The following MAGI2 variants were observed in gnomAD, a reference collection of about 807,000 sequenced individuals.
MAGI2 encodes the protein membrane-associated guanylate kinase, WW and PDZ domain-containing protein 2.
Under a neutral mutation model 133.3 loss-of-function variants are expected in MAGI2, and 35 were observed. The ratio of observed to expected loss-of-function variants is 0.26; its 90% confidence interval spans 0.20 to 0.35. The LOEUF (loss-of-function observed/expected upper bound fraction) is 0.35. Among genes scored for constraint, MAGI2 ranks in the 10% least tolerant of loss-of-function variants. The pLI is 1.00. For missense variants in MAGI2, 1,636 were observed against 1,863.4 expected, an observed-to-expected ratio of 0.88 and a Z score of 2.25; for synonymous variants, 729 against 710.6, an observed-to-expected ratio of 1.03 and a Z score of -0.41.
intron 1 of MAGI2, among the ~76,000 whole-genome samples, chr7:79,140,790 A>T (rs1024985340): frequency 6.6e-6 from 1 of 152,158 alleles, no homozygotes. Flanking sequence ...CTAGTGCCTA[A>T]AGTTCAAAGA....
At chr7:78,989,608 T>G (rs2116304943) in intron 2 of MAGI2, among the ~76,000 whole-genome samples, 1 of 152,232 alleles carries the variant, frequency 6.6e-6, no homozygotes, top group African/African-American at 2.4e-5. Flanking sequence ...TCTTGTATTC[T>G]TAGCAGCCAG....
intron 10 of MAGI2, among the ~76,000 whole-genome samples, chr7:78,215,781 T>G (rs6959540): frequency 0.69 from 105,060 of 152,026 alleles, 36,569 homozygotes; most frequent in Admixed American, 0.74. Flanking sequence ...CTAATTTTTA[T>G]TAATGAGTTG....
chr7:79,274,444 C>T (rs191795796), intron 1 of MAGI2, among the ~76,000 whole-genome samples: 75 of 152,026 alleles, frequency 4.9e-4, no homozygotes, highest in African/African-American at 1.6e-3. Flanking sequence ...GAACAACATC[C>T]GCTTCCCCAC....
chr7:78,660,402 A>AACTG (rs10687591), intron 2 of MAGI2, among the ~76,000 whole-genome samples: 76,076 of 151,632 alleles, frequency 0.5, 19,118 homozygotes, highest in Admixed American at 0.54. Context: ...AACTTACTTG[A>AACTG]ACTATTTTAT....
In MAGI2 at chr7:78,739,482, GAGA is replaced by G. The variant is rs565599967; in HGVS notation, c.419-112246_419-112244del. On this transcript the variant is annotated intron_variant, in intron 2 of 21. Transcript: ENST00000354212. ...AATGAGAGATTTTTCTGGAGTTTTG[GAGA>G]AGATTAGCACTGTGAAACCAGATAG... Among the ~76,000 whole-genome samples the G allele has an allele frequency of 6.4e-4, 97 of 152,290 alleles. 1 individual carries two copies. In the South Asian group the frequency reaches 0.019, roughly 29 times the overall value.
chr7:78,152,837 C>G (rs1824019460), intron 16 of MAGI2, among the ~76,000 whole-genome samples: 1 of 152,188 alleles, frequency 6.6e-6, no homozygotes, highest in Non-Finnish European at 1.5e-5. Flanking sequence ...CCTGAGTGAG[C>G]CACTCTCAGC....
chr7:79,331,945 A>AT (rs1014178357), intron 1 of MAGI2, among the ~76,000 whole-genome samples: 15 of 64,036 alleles, frequency 2.3e-4, no homozygotes, highest in African/African-American at 4.9e-4. Context: ...TTAAAGTATA[A>AT]TAAAAAAAAA....
intron 21 of MAGI2, among the ~76,000 whole-genome samples, chr7:78,043,762 G>C (rs899941167): frequency 6.6e-6 from 1 of 152,134 alleles, no homozygotes; most frequent in Admixed American, 6.6e-5. Flanking sequence ...CCTTTCCCTA[G>C]AACACAGGAA....
chr7:78,711,558 T>C (rs376925582), intron 2 of MAGI2, among the ~76,000 whole-genome samples: 10 of 151,854 alleles, frequency 6.6e-5, no homozygotes, highest in African/African-American at 4.8e-5. Flanking sequence ...ATTATGACCA[T>C]TGGAAATGTT....
intron 2 of MAGI2, among the ~76,000 whole-genome samples, chr7:78,927,834 T>A (rs1459559258): frequency 1.3e-5 from 2 of 151,934 alleles, no homozygotes; most frequent in Non-Finnish European, 2.9e-5. Context: ...AAAATTAAAT[T>A]TTCCAATGTG....
chr7:78,455,696 T>TA (rs1227150696), intron 6 of MAGI2, among the ~76,000 whole-genome samples: 1 of 152,160 alleles, frequency 6.6e-6, no homozygotes, highest in Non-Finnish European at 1.5e-5. Context: ...ATAGTCGCTA[T>TA]ACCAACACAT....
At chr7:78,105,735 A>G (rs1353729833) in intron 20 of MAGI2, among the ~76,000 whole-genome samples, 1 of 151,766 alleles carries the variant, frequency 6.6e-6, no homozygotes, top group African/African-American at 2.4e-5. Context: ...TGTTATGGGT[A>G]CATTATAGGT....
At chr7:78,842,893 A>C (rs1049990101) in intron 2 of MAGI2, among the ~76,000 whole-genome samples, 5 of 151,894 alleles carry the variant, frequency 3.3e-5, no homozygotes, top group African/African-American at 1.2e-4. Flanking sequence ...TTTGCTGTAA[A>C]ATTTACAATA....
intron 10 of MAGI2, among the ~76,000 whole-genome samples, chr7:78,204,507 T>C (rs915760286): frequency 1.3e-5 from 2 of 152,228 alleles, no homozygotes; most frequent in African/African-American, 4.8e-5. Context: ...AGCCATATTC[T>C]TTAAAATAAT....
intron 20 of MAGI2, among the ~76,000 whole-genome samples, chr7:78,080,176 C>CG (rs774422928): frequency 8.5e-5 from 13 of 152,148 alleles, no homozygotes; most frequent in East Asian, 3.9e-4. Context: ...CCCCCAAAGT[C>CG]GGGGGGAAGA....
At position 78,162,834 on chromosome 7, in the gene MAGI2, G is replaced by A. The variant is rs369139922; in HGVS notation, c.2597-2561C>T. On this transcript the variant is annotated intron_variant, in intron 15 of 21. Coordinates refer to ENST00000354212, the MANE Select transcript of MAGI2 (RefSeq NM_012301.4). ...TCTGGGCCCTTGACACTTAAAAACT[G>A]GTCACATGATTGTCTTTCAGGGATT... Among the ~76,000 whole-genome samples the A allele has an allele frequency of 1.2e-4, 18 of 152,220 alleles. 1 individual carries two copies. Among genetic ancestry groups the A allele is most frequent in the East Asian group, 1.2e-3 (6 of 5,174 alleles).
chr7:79,407,063 T>C (rs1187279390), intron 1 of MAGI2, among the ~76,000 whole-genome samples: 1 of 152,120 alleles, frequency 6.6e-6, no homozygotes, highest in African/African-American at 2.4e-5. Flanking sequence ...AGATGGATTA[T>C]TAAAGAAAAA....
intron 3 of MAGI2, among the ~76,000 whole-genome samples, chr7:78,534,084 G>A (rs1344805071): frequency 2.0e-5 from 3 of 152,138 alleles, no homozygotes; most frequent in Non-Finnish European, 4.4e-5. Context: ...TTAACTCAAG[G>A]AACAATGGTG....
At chr7:78,681,803 G>C (rs1815694134) in intron 2 of MAGI2, among the ~76,000 whole-genome samples, 1 of 152,086 alleles carries the variant, frequency 6.6e-6, no homozygotes, top group African/African-American at 2.4e-5. Context: ...AGAGAGACTA[G>C]AGTCAGGGAA....
Sources: allele counts gnomAD v4.1 joint callset (sites outside exome capture counted in the v4.1 genomes callset), GRCh38; gene constraint gnomAD v4.1.1; transcripts MANE v1.5; gene names NCBI Gene and HGNC (gene_info 2026-07-23, HGNC 2026-07-21).